ITGB6: variants seen among roughly 807,000 people sequenced by gnomAD.
The protein encoded by ITGB6 is integrin beta-6.
In ITGB6, 80 loss-of-function variants were observed where a neutral mutation model predicts 84.5. That is an observed-to-expected ratio of 0.95 (90% CI 0.79 to 1.14). The LOEUF (loss-of-function observed/expected upper bound fraction) is 1.14. Ranked by LOEUF, ITGB6 falls within the 50% of genes most tolerant of loss-of-function variation. ITGB6 has a pLI of 0.00. For missense variants in ITGB6, 1,006 were observed against 968.0 expected (o/e 1.04, Z -0.52); for synonymous variants, 383 against 354.9 (o/e 1.08, Z -0.89).
chr2:160,189,965 C>T (rs1686071762), intron 4 of ITGB6, among the ~76,000 whole-genome samples: 2 of 152,064 alleles, frequency 1.3e-5, no homozygotes, highest in Admixed American at 1.3e-4. Flanking sequence ...AAATGTCCAA[C>T]AATGATAGAC....
At chr2:160,189,778 T>C (rs1011337394) in intron 4 of ITGB6, among the ~76,000 whole-genome samples, 3 of 152,084 alleles carry the variant, frequency 2.0e-5, no homozygotes, top group African/African-American at 2.4e-5. Context: ...AGTTCAACCA[T>C]TGTGGAAGTC....
chr2:160,172,264 T>G (rs1278369934), intron 6 of ITGB6, among the ~76,000 whole-genome samples: 1 of 152,224 alleles, frequency 6.6e-6, no homozygotes, highest in East Asian at 1.9e-4. Context: ...TCTGAGGCTG[T>G]GGCTGAGAAT....
rs1441912060 is a variant in ITGB6, at chr2:160,100,309, A to G, written c.*1427T>C. On this transcript the variant is annotated 3_prime_UTR_variant, in exon 15 of 15. Transcript: ENST00000283249. Reference sequence around the variant, plus strand: ...ATTACAATTTAATCAAAGGTAATAAACATTGCACAAAAGTACAATATCTCA... The same window carrying G: ...ATTACAATTTAATCAAAGGTAATAAGCATTGCACAAAAGTACAATATCTCA... 6.6e-6 allele frequency: 1 copy of G among 152,272 alleles called. No individual in the cohort carries two copies. The highest frequency in any genetic ancestry group is 1.5e-5 in the Non-Finnish European group (1 of 68,048). 9.4% of individuals were successfully genotyped at this position (152,272 alleles called of 1,614,324 possible). A position where few individuals can be genotyped will look rare whatever the true frequency, so the allele number is the denominator to read the frequency against.
intron 10 of ITGB6, among the ~76,000 whole-genome samples, chr2:160,129,470 A>G (rs1305694856): frequency 6.6e-6 from 1 of 151,830 alleles, no homozygotes. Flanking sequence ...ATTTAGGATT[A>G]CCTAAGACAG....
At position 160,120,686 on chromosome 2, in the gene ITGB6, A is replaced by G. The variant is rs1161815673; in HGVS notation, c.1981+3105T>C. Among the ~76,000 whole-genome samples the G allele has an allele frequency of 3.4e-4, 23 of 67,552 alleles. 4 individuals are homozygous for G. The South Asian group carries it at 4.8e-3, about 14-fold the overall frequency. 44.3% of individuals were successfully genotyped at this position (67,552 alleles called of 152,430 possible). On this transcript the variant is annotated intron_variant, in intron 12 of 14. Transcript: ENST00000283249. The stretch of plus-strand genomic sequence containing the variant: ...GTATAATTAAAAAAAAAAAAAAAAA[A>G]AAAAGAAAATGTGGCACACATACAC...
In ITGB6 at chr2:160,126,398, C is replaced by T. The variant is rs1310842796; in HGVS notation, c.1864G>A (p.Asp622Asn). The T allele has an allele frequency of 6.2e-7, 1 of 1,613,994 alleles. No individual in the cohort carries two copies. Among genetic ancestry groups the T allele is most frequent in the Non-Finnish European group, 8.5e-7 (1 of 1,179,954 alleles). ...PTCERCPTCG[D>N]PCNSKRSCIE... ...CATTACCGTTTAGAGTTACAGGGGT[C>T]ACCACAGGTAGGACATCGTTCACAG... Residue 622 changes from aspartate (D) to asparagine (N), a missense_variant, in exon 11 of 15, where the codon GAC becomes AAC. Asp to Asn is a conservative substitution (Grantham distance 23). Transcript: ENST00000283249.
intron 7 of ITGB6, among the ~76,000 whole-genome samples, chr2:160,167,202 G>A (rs1028398608): frequency 6.6e-6 from 1 of 152,090 alleles, no homozygotes; most frequent in Non-Finnish European, 1.5e-5. Flanking sequence ...CACATACAGG[G>A]CTCCTTCTAA....
chr2:160,109,265 A>G (rs1392910157), intron 13 of ITGB6, among the ~76,000 whole-genome samples: 4 of 152,230 alleles, frequency 2.6e-5, no homozygotes, highest in Admixed American at 2.0e-4. Flanking sequence ...TGACATAGCT[A>G]TTACTGTATG....
chr2:160,186,456 T>A (rs1279168263), intron 4 of ITGB6, among the ~76,000 whole-genome samples: 1 of 151,936 alleles, frequency 6.6e-6, no homozygotes, highest in African/African-American at 2.4e-5. Flanking sequence ...CATTAAAAAG[T>A]AGGAAACAAC....
At chr2:160,171,332 T>TTTA (rs1254886665) in intron 6 of ITGB6, among the ~76,000 whole-genome samples, 37 of 146,078 alleles carry the variant, frequency 2.5e-4, no homozygotes, top group African/African-American at 8.9e-4. Flanking sequence ...CAAATTTATT[T>TTTA]TTTTATTTTT....
chr2:160,186,961 TC>T (rs1685924919), intron 4 of ITGB6, among the ~76,000 whole-genome samples: 1 of 131,032 alleles, frequency 7.6e-6, no homozygotes, highest in South Asian at 2.8e-4. Flanking sequence ...CCAGGGCCTG[TC>T]GGGGGGGTGG....
At chr2:160,172,290 T>C (rs1273051145) in intron 6 of ITGB6, among the ~76,000 whole-genome samples, 1 of 152,166 alleles carries the variant, frequency 6.6e-6, no homozygotes, top group Admixed American at 6.5e-5. Flanking sequence ...GAGCTGCCTG[T>C]ATTGCTTTAC....
In ITGB6 at chr2:160,196,088, C is replaced by T. The variant is rs534265713; in HGVS notation, c.346+128G>A. ...GTGTGAGCCTAATAATTTTCTATTT[C>T]CTTAAGAATGGGAAATTCGAGTCAT... On this transcript the variant is annotated intron_variant, in intron 3 of 14. Transcript: ENST00000283249. 747 of 812,178 alleles carry T rather than the reference C, an allele frequency of 9.2e-4. 5 individuals carry two copies. The highest frequency in any genetic ancestry group is 4.0e-3 in the Middle Eastern group (11 of 2,766). 50.3% of individuals were successfully genotyped at this position (812,178 alleles called of 1,614,324 possible).
chr2:160,186,895 G>T (rs1375328075), intron 4 of ITGB6, among the ~76,000 whole-genome samples: 1 of 149,572 alleles, frequency 6.7e-6, no homozygotes, highest in South Asian at 2.2e-4. Context: ...GTTCTCACTC[G>T]TAAGTGGGAG....
chr2:160,107,596 A>T, intron 14 of ITGB6, 83 bp downstream of exon 14: 1 of 1,258,930 alleles, frequency 7.9e-7, no homozygotes, highest in Non-Finnish European at 1.1e-6. Flanking sequence ...GAACTCCCAG[A>T]GCAGAAGAAA....
chr2:160,155,510 G>T (rs768943769), intron 7 of ITGB6, among the ~76,000 whole-genome samples: 1 of 152,168 alleles, frequency 6.6e-6, no homozygotes, highest in African/African-American at 2.4e-5. Context: ...ATGTACTACC[G>T]TGGTGGGAGA....
intron 10 of ITGB6, among the ~76,000 whole-genome samples, chr2:160,129,709 A>G (rs1365563369): frequency 2.0e-5 from 3 of 152,212 alleles, no homozygotes; most frequent in Non-Finnish European, 4.4e-5. Flanking sequence ...CTGTAGAAGG[A>G]AGAATTCTGG....
Position 160,199,996 on chromosome 2 carries a change from G to T in ITGB6, c.61+7C>A, listed in dbSNP as rs373628699. 6.8e-6 allele frequency: 11 copies of T among 1,609,542 alleles called. No homozygotes were observed. The highest frequency in any genetic ancestry group is 1.3e-5 in the African/African-American group (1 of 74,806). On this transcript the variant is annotated splice_region_variant and intron_variant, in intron 1 of 14. Transcript: ENST00000283249. ...GAAAGTAATATATCAGAGAACGCAG[G>T]TCTTACCTTGTACGTGATCATTCCT...
At chr2:160,117,831 C>A (rs1449734686) in intron 12 of ITGB6, among the ~76,000 whole-genome samples, 4 of 152,130 alleles carry the variant, frequency 2.6e-5, no homozygotes, top group East Asian at 3.9e-4. Flanking sequence ...GATAAAGGGG[C>A]TATCACCACC....
Sources: gnomAD v4.1 joint callset for allele counts (sites outside exome capture counted in the v4.1 genomes callset) on GRCh38, gnomAD v4.1.1 for gene constraint, MANE v1.5 for transcripts, NCBI Gene and HGNC (gene_info 2026-07-23, HGNC 2026-07-21) for gene names.